FAM131B: variants seen among roughly 807,000 people sequenced by gnomAD.
The protein encoded by FAM131B is protein FAM131B.
Under a neutral mutation model 42.0 loss-of-function variants are expected in FAM131B, and 19 were observed. The ratio of observed to expected loss-of-function variants is 0.45; its 90% CI spans 0.32 to 0.66. The LOEUF is 0.66. Among genes scored for constraint, FAM131B ranks in the 30% least tolerant of loss-of-function variants. FAM131B has a pLI of 0.05. For synonymous variants in FAM131B, 183 were observed against 177.6 expected (o/e 1.03, Z -0.24); for missense variants, 370 against 468.4 (o/e 0.79, Z 1.94).
rs1426330437 is a variant in FAM131B at position 143,359,599 on chromosome 7, C to A, written c.174+133G>T. ...TCCCCAGTGCTCTGGAAAACTGGGG[C>A]ACAGGTTGAGAACGTGAGTGCTCAC... On this transcript the variant is annotated intron_variant, in intron 3 of 6. Transcript: ENST00000443739. This position sits in a 1 kb window ranked among gnomAD's most constrained non-coding sequence, Gnocchi z 5.4. The A allele has an allele frequency of 2.0e-6, 2 of 1,017,806 alleles. No individual in the cohort carries two copies. Among genetic ancestry groups the A allele is most frequent in the Non-Finnish European group, 3.0e-6 (2 of 659,676 alleles). The allele number at this position is 1,017,806 out of a possible 1,614,324, so 63.0% of individuals were successfully genotyped here. A position where few individuals can be genotyped will look rare whatever the true frequency, so the allele number is the denominator to read the frequency against.
At chr7:143,382,298 G>T in the FAM131B span, 13 of 1,612,450 alleles carry the variant, frequency 8.1e-6, no homozygotes, top group Non-Finnish European at 1.1e-5. Context: ...CGATGCAGAG[G>T]GTGCTCTGGG....
At chr7:143,381,452 C>T in the FAM131B span, 6 of 1,295,310 alleles carry the variant, frequency 4.6e-6, no homozygotes, top group South Asian at 9.4e-5. Flanking sequence ...GGGGAGGGGG[C>T]GCGGGGCGCC....
In FAM131B at chr7:143,358,774, C is replaced by T. The variant is rs533010609; in HGVS notation, c.466+53G>A. 78 of 1,458,524 alleles carry T rather than the reference C, an allele frequency of 5.3e-5. No homozygotes were observed. The highest frequency in any genetic ancestry group is 1.1e-4 in the Admixed American group (6 of 56,848). The allele number at this position is 1,458,524 out of a possible 1,614,324, so 90.3% of individuals were successfully genotyped here. On this transcript the variant is annotated intron_variant, in intron 5 of 6. Coordinates refer to ENST00000443739, the MANE Select transcript of FAM131B (RefSeq NM_001031690.3). This position sits in a 1 kb window ranked among gnomAD's most constrained non-coding sequence, Gnocchi z 4.7. ...GCCACAGGGGATCAGGTTGGAGGGTCGGTCCCTGGCCATCCTGCAAATGTG... is the reference window on the plus strand; with the variant it reads ...GCCACAGGGGATCAGGTTGGAGGGTTGGTCCCTGGCCATCCTGCAAATGTG...
upstream of FAM131B, among the ~76,000 whole-genome samples, chr7:143,364,751 C>T (rs1804141103): frequency 6.6e-6 from 1 of 152,302 alleles, no homozygotes; most frequent in Non-Finnish European, 1.5e-5. Flanking sequence ...AAGGATTCTG[C>T]TACTTCTCAC....
chr7:143,379,510 T>A, the FAM131B span, among the ~76,000 whole-genome samples: 1 of 152,158 alleles, frequency 6.6e-6, no homozygotes, highest in African/African-American at 2.4e-5. Context: ...GTCCTAGGTA[T>A]AATTAAAGAC....
chr7:143,367,273 C>T (rs1804201822), upstream of FAM131B, among the ~76,000 whole-genome samples: 1 of 152,170 alleles, frequency 6.6e-6, no homozygotes, highest in Non-Finnish European at 1.5e-5. Flanking sequence ...ACAAAAAGCC[C>T]TCACATTACC....
the FAM131B span, among the ~76,000 whole-genome samples, chr7:143,378,734 A>G: frequency 3.3e-5 from 5 of 152,082 alleles, no homozygotes; most frequent in Admixed American, 3.3e-4. Flanking sequence ...CCGCCACCTC[A>G]CCAGGCTAAT....
chr7:143,382,257 T>G, the FAM131B span: 1 of 1,612,498 alleles, frequency 6.2e-7, no homozygotes. Context: ...GACTTTCCCC[T>G]GCCTCCACCT....
At chr7:143,380,177 T>A in the FAM131B span, 2 of 983,180 alleles carry the variant, frequency 2.0e-6, no homozygotes, top group Non-Finnish European at 2.4e-6. The surrounding 1 kb of genome is among the most constrained non-coding windows in gnomAD (Gnocchi z 5.0). Flanking sequence ...AGGCCATGAC[T>A]CCTTAGTTTG....
rs906015792 is a variant in FAM131B, at chr7:143,362,632, C to G, written c.-29G>C. Reference sequence around the variant, plus strand: ...TCCGGGGGCCGCAGAGCCGGGCCCTCACCGACTCGGGGCGCGCGCCGGGGG... The same window carrying G: ...TCCGGGGGCCGCAGAGCCGGGCCCTGACCGACTCGGGGCGCGCGCCGGGGG... On this transcript the variant is annotated 5_prime_UTR_variant, in exon 1 of 7. Transcript: ENST00000443739. The surrounding 1 kb of genome is among the most constrained non-coding windows in gnomAD (Gnocchi z 7.7). The G allele has an allele frequency of 4.5e-5, 54 of 1,203,294 alleles. No homozygotes were observed. The highest frequency in any genetic ancestry group is 5.6e-5 in the Non-Finnish European group (54 of 968,762). 74.5% of individuals were successfully genotyped at this position (1,203,294 alleles called of 1,614,324 possible).
upstream of FAM131B, among the ~76,000 whole-genome samples, chr7:143,366,780 A>C (rs1284916912): frequency 6.6e-6 from 1 of 151,978 alleles, no homozygotes; most frequent in Non-Finnish European, 1.5e-5. Flanking sequence ...CTGGTGTCGA[A>C]CTCCTGACCT....
the FAM131B span, chr7:143,379,940 G>C: frequency 2.1e-5 from 10 of 477,570 alleles, no homozygotes; most frequent in East Asian, 1.4e-3. Context: ...TGTGACCCGG[G>C]TCCATCTCTT....
At chr7:143,369,343 ATGGAGAC>A in the FAM131B span, among the ~76,000 whole-genome samples, 1 of 152,134 alleles carries the variant, frequency 6.6e-6, no homozygotes, top group African/African-American at 2.4e-5. Context: ...CTTTTTGCTT[ATGGAGAC>A]TGTTCAACTT....
rs369699308 is a variant in FAM131B, at chr7:143,359,031, G to A, written c.269-7C>T. ...TTCATGCTCCGTGAGATCCCTATGGGGCCAGACATTTCCCACATCCTCCAG... is the reference window on the plus strand; with the variant it reads ...TTCATGCTCCGTGAGATCCCTATGGAGCCAGACATTTCCCACATCCTCCAG... On this transcript the variant is annotated splice_polypyrimidine_tract_variant and splice_region_variant and intron_variant, in intron 4 of 6. Coordinates refer to ENST00000443739, the MANE Select transcript of FAM131B (RefSeq NM_001031690.3). This position sits in a 1 kb window ranked among gnomAD's most constrained non-coding sequence, Gnocchi z 5.4. 6.2e-7 allele frequency: 1 copy of A among 1,612,696 alleles called. No individual in the cohort carries two copies.
chr7:143,365,649 G>T (rs913637591), upstream of FAM131B, among the ~76,000 whole-genome samples: 1 of 152,060 alleles, frequency 6.6e-6, no homozygotes, highest in East Asian at 1.9e-4. Flanking sequence ...TTACCCAGCC[G>T]GAGAGCAATG....
chr7:143,381,719 C>T, the FAM131B span: 1 of 1,602,190 alleles, frequency 6.2e-7, no homozygotes, highest in Non-Finnish European at 8.5e-7. Context: ...TCCCCCGGCA[C>T]CCGGGGCCCA....
upstream of FAM131B, among the ~76,000 whole-genome samples, chr7:143,364,862 C>T (rs1287195057): frequency 6.6e-6 from 1 of 152,130 alleles, no homozygotes; most frequent in Non-Finnish European, 1.5e-5. Context: ...CGGGGGGGTT[C>T]TCTAATTCTG....
At chr7:143,372,462 T>C in the FAM131B span, among the ~76,000 whole-genome samples, 1 of 152,124 alleles carries the variant, frequency 6.6e-6, no homozygotes, top group Non-Finnish European at 1.5e-5. Context: ...AAGGAGCTGG[T>C]TGGAGAAAGT....
the FAM131B span, among the ~76,000 whole-genome samples, chr7:143,371,776 C>T: frequency 6.6e-6 from 1 of 152,054 alleles, no homozygotes; most frequent in East Asian, 1.9e-4. Flanking sequence ...GTGATCCATA[C>T]AGATGTCTGT....
Sources: allele counts gnomAD v4.1 joint callset (sites outside exome capture counted in the v4.1 genomes callset), GRCh38; gene constraint gnomAD v4.1.1; non-coding constraint Gnocchi (gnomAD v3.1); transcripts MANE v1.5; gene names NCBI Gene and HGNC (gene_info 2026-07-23, HGNC 2026-07-21).